The following SLCO6A1 variants were observed in gnomAD, a reference collection of about 807,000 sequenced individuals.
SLCO6A1 encodes cancer/testis antigen 48.
In SLCO6A1, 65 loss-of-function variants were observed where a neutral mutation model predicts 72.7. The observed-to-expected ratio is 0.89, with a 90% confidence interval of 0.73 to 1.10. The LOEUF is 1.10. Among genes scored for constraint, SLCO6A1 ranks in the 50% least tolerant of loss-of-function variants. The pLI, the probability that SLCO6A1 is intolerant of heterozygous loss-of-function variation, is 0.00. For synonymous variants in SLCO6A1, 314 were observed against 298.2 expected (o/e 1.05, Z -0.55); for missense variants, 874 against 872.6 (o/e 1.00, Z -0.02).
In SLCO6A1 at chr5:102,401,344, G is replaced by A. The variant is rs1346319882; in HGVS notation, c.1627-1602C>T. Among the ~76,000 whole-genome samples, 6 of 152,168 alleles carry A rather than the reference G, an allele frequency of 3.9e-5. No homozygotes were observed. In the East Asian group the frequency reaches 9.7e-4, roughly 25 times the overall value. On this transcript the variant is annotated intron_variant, in intron 9 of 13. Coordinates refer to ENST00000506729, the MANE Select transcript of SLCO6A1 (RefSeq NM_173488.5). ...GGAAAGGAAGGATTAAACAGCTATC[G>A]GGTGGCAATTGCAAGAGCAATGTAA...
intron 9 of SLCO6A1, among the ~76,000 whole-genome samples, chr5:102,406,628 A>G (rs960098267): frequency 2.0e-5 from 3 of 152,166 alleles, no homozygotes; most frequent in Admixed American, 6.5e-5. Flanking sequence ...TGAACTAGAT[A>G]GCAGAGTTAA....
At chr5:102,428,718 C>T (rs1233571621) in intron 7 of SLCO6A1, among the ~76,000 whole-genome samples, 1 of 152,042 alleles carries the variant, frequency 6.6e-6, no homozygotes, top group African/African-American at 2.4e-5. Flanking sequence ...TCTTATTTAG[C>T]TTCCATGTCT....
chr5:102,377,879 G>A (rs1179642792), intron 12 of SLCO6A1, among the ~76,000 whole-genome samples: 2 of 140,298 alleles, frequency 1.4e-5, no homozygotes, highest in African/African-American at 5.3e-5. Flanking sequence ...TTGCCATATT[G>A]CCCAGGCTGG....
At chr5:102,459,326 A>T (rs1300243774) in intron 5 of SLCO6A1, among the ~76,000 whole-genome samples, 1 of 152,172 alleles carries the variant, frequency 6.6e-6, no homozygotes, top group Admixed American at 6.5e-5. Context: ...GAGGTGAGGC[A>T]GGAGGATGAC....
intron 8 of SLCO6A1, among the ~76,000 whole-genome samples, chr5:102,413,683 A>G (rs1208236078): frequency 6.6e-6 from 1 of 152,164 alleles, no homozygotes; most frequent in Non-Finnish European, 1.5e-5. Context: ...ACTTTTTAAG[A>G]AACTGTCAGT....
At chr5:102,446,565 C>T (rs1313771036) in intron 6 of SLCO6A1, among the ~76,000 whole-genome samples, 1 of 151,552 alleles carries the variant, frequency 6.6e-6, no homozygotes, top group African/African-American at 2.4e-5. Context: ...CTTTCTTTCT[C>T]TTGCTCTGGC....
intron 1 of SLCO6A1, among the ~76,000 whole-genome samples, chr5:102,490,131 G>C (rs2112857844): frequency 6.6e-6 from 1 of 152,266 alleles, no homozygotes; most frequent in African/African-American, 2.4e-5. Flanking sequence ...TGAGTACTAA[G>C]TTACAGTTAG....
intron 6 of SLCO6A1, among the ~76,000 whole-genome samples, chr5:102,439,286 T>C (rs1020989896): frequency 6.6e-6 from 1 of 152,074 alleles, no homozygotes; most frequent in African/African-American, 2.4e-5. Flanking sequence ...TTTTGCATTT[T>C]GGTAAACTTG....
At chr5:102,376,360 A>G (rs1745791983) in intron 12 of SLCO6A1, among the ~76,000 whole-genome samples, 1 of 152,174 alleles carries the variant, frequency 6.6e-6, no homozygotes, top group South Asian at 2.1e-4. Flanking sequence ...CTAAAAGAAT[A>G]TATGTACACG....
intron 4 of SLCO6A1, among the ~76,000 whole-genome samples, chr5:102,467,838 G>A (rs1751388064): frequency 6.6e-6 from 1 of 151,918 alleles, no homozygotes; most frequent in Admixed American, 6.6e-5. Context: ...ATTTAGTTCT[G>A]CTCTGATCTT....
At chr5:102,486,275 C>T (rs1752439959) in intron 1 of SLCO6A1, among the ~76,000 whole-genome samples, 1 of 152,070 alleles carries the variant, frequency 6.6e-6, no homozygotes, top group Admixed American at 6.6e-5. Flanking sequence ...ATCTTGTATG[C>T]TACTCAAGCT....
intron 7 of SLCO6A1, among the ~76,000 whole-genome samples, chr5:102,437,617 T>A (rs118034121): frequency 6.6e-6 from 1 of 152,114 alleles, no homozygotes; most frequent in Non-Finnish European, 1.5e-5. Context: ...TGAAAGCTGA[T>A]CTATTTTGGC....
intron 9 of SLCO6A1, among the ~76,000 whole-genome samples, chr5:102,411,565 C>T (rs935266673): frequency 2.0e-5 from 3 of 151,570 alleles, no homozygotes; most frequent in African/African-American, 7.3e-5. Flanking sequence ...ACACCTGGCC[C>T]CATAGATGTG....
intron 6 of SLCO6A1, among the ~76,000 whole-genome samples, chr5:102,448,910 T>C (rs1750262205): frequency 1.3e-5 from 2 of 152,172 alleles, no homozygotes; most frequent in South Asian, 4.1e-4. Flanking sequence ...ATCCTATCAT[T>C]GTGTGGTTAG....
intron 7 of SLCO6A1, among the ~76,000 whole-genome samples, chr5:102,435,638 G>A (rs1749488263): frequency 6.6e-6 from 1 of 152,172 alleles, no homozygotes; most frequent in Non-Finnish European, 1.5e-5. Flanking sequence ...ACTTTGGGAG[G>A]CCAAGGCGGG....
intron 6 of SLCO6A1, among the ~76,000 whole-genome samples, chr5:102,439,908 C>A (rs1291549475): frequency 6.6e-6 from 1 of 152,138 alleles, no homozygotes; most frequent in East Asian, 1.9e-4. Context: ...GTTTAGCATG[C>A]CCATCCAGAA....
chr5:102,405,131 C>T (rs934684878), intron 9 of SLCO6A1, among the ~76,000 whole-genome samples: 5 of 152,024 alleles, frequency 3.3e-5, no homozygotes, highest in Admixed American at 6.6e-5. Context: ...CTCCAAGTCT[C>T]ATCCCTCCAA....
At chr5:102,487,752 T>A (rs1213772599) in intron 1 of SLCO6A1, among the ~76,000 whole-genome samples, 1 of 152,206 alleles carries the variant, frequency 6.6e-6, no homozygotes, top group African/African-American at 2.4e-5. Flanking sequence ...TACTTCATTT[T>A]TCAAGAAATG....
At chr5:102,410,050 C>A (rs1580373386) in intron 9 of SLCO6A1, among the ~76,000 whole-genome samples, 1 of 152,026 alleles carries the variant, frequency 6.6e-6, no homozygotes, top group African/African-American at 2.4e-5. Context: ...GTGCCTTTGC[C>A]CAAGTTCTTA....
Sources: gnomAD v4.1 joint callset for allele counts (sites outside exome capture counted in the v4.1 genomes callset) on GRCh38, gnomAD v4.1.1 for gene constraint, MANE v1.5 for transcripts, NCBI Gene and HGNC (gene_info 2026-07-23, HGNC 2026-07-21) for gene names.